Variants in TNC observed in about 807,000 individuals in gnomAD.
TNC encodes the protein tenascin.
A neutral mutation model predicts 202.4 loss-of-function variants in TNC; 109 were observed. The observed-to-expected ratio is 0.54, with a 90% CI of 0.46 to 0.63. The LOEUF is 0.63. TNC is among the 30% of genes least tolerant of loss of function. The pLI, the probability that TNC is intolerant of heterozygous loss-of-function variation, is 0.00. For synonymous variants in TNC, 1,007 were observed against 1,089.7 expected, an observed-to-expected ratio of 0.92 and a Z score of 1.50; for missense variants, 2,756 against 2,833.3, an observed-to-expected ratio of 0.97 and a Z score of 0.62.
intron 15 of TNC, chr9:115,052,629 TAA>T: frequency 3.3e-6 from 2 of 601,188 alleles, no homozygotes; most frequent in Non-Finnish European, 5.9e-6. Flanking sequence ...CAATTAAAAA[TAA>T]GAGAGTACAC....
intron 22 of TNC, among the ~76,000 whole-genome samples, chr9:115,033,785 G>C (rs1830120244): frequency 1.3e-5 from 2 of 152,188 alleles, no homozygotes; most frequent in Admixed American, 1.3e-4. Context: ...GAGGGGAATG[G>C]GAGAGGAGAC....
intron 17 of TNC, among the ~76,000 whole-genome samples, chr9:115,045,525 C>A (rs1015618607): frequency 6.6e-6 from 1 of 151,150 alleles, no homozygotes; most frequent in Non-Finnish European, 1.5e-5. Context: ...AGGCACCACA[C>A]CTGGCTAAGT....
rs780140971 is a variant in TNC at position 115,082,693 on chromosome 9, A to G, written c.2246T>C (p.Met749Thr). Residue 749 changes from methionine (M) to threonine (T), a missense_variant and splice_region_variant, in exon 5 of 28, where the codon ATG (methionine) becomes ACG (threonine). Coordinates refer to ENST00000350763, the MANE Select transcript of TNC (RefSeq NM_002160.4). ...GATCTGCTCTTTTGTACTCCTTACC[A>G]TATTCCGGAAGATGATCTCCCAGGT... ...FETWEIIFRN[M>T]NKEDEGEITK... The G allele has an allele frequency of 2.5e-6, 4 of 1,602,910 alleles. No individual in the cohort carries two copies. Among genetic ancestry groups the G allele is most frequent in the South Asian group, 1.1e-5 (1 of 90,814 alleles).
intron 22 of TNC, among the ~76,000 whole-genome samples, chr9:115,033,335 G>A (rs1830086320): frequency 6.6e-6 from 1 of 152,090 alleles, no homozygotes; most frequent in Non-Finnish European, 1.5e-5. Context: ...CTAGTCCCTG[G>A]GGGAAAGATC....
intron 18 of TNC, among the ~76,000 whole-genome samples, chr9:115,041,391 C>T (rs1371974246): frequency 1.3e-5 from 2 of 150,076 alleles, no homozygotes; most frequent in African/African-American, 4.9e-5. Context: ...CAAATTTTAT[C>T]TTATTATTTT....
At chr9:115,113,056 C>T (rs1178289184) in intron 1 of TNC, among the ~76,000 whole-genome samples, 3 of 152,220 alleles carry the variant, frequency 2.0e-5, no homozygotes, top group Non-Finnish European at 4.4e-5. Flanking sequence ...TTATGGGTCA[C>T]ATGCTAATCA....
At position 115,060,946 on chromosome 9, in the gene TNC, G is replaced by A. The variant is rs1832495507; in HGVS notation, c.4034-944C>T. Among the ~76,000 whole-genome samples, 3 of 152,292 alleles carry A rather than the reference G, an allele frequency of 2.0e-5. No homozygotes were observed. In the South Asian group the frequency reaches 6.2e-4, roughly 32 times the overall value. On this transcript the variant is annotated intron_variant, in intron 13 of 27. Coordinates refer to ENST00000350763, the MANE Select transcript of TNC (RefSeq NM_002160.4). The stretch of plus-strand genomic sequence containing the variant: ...AAGGAGATTTTTCTCAGTAAATGGT[G>A]CAGAACAGAACCCACTATTACTGCT...
chr9:115,083,801 C>T (rs1757110), intron 4 of TNC, among the ~76,000 whole-genome samples: 58,886 of 151,890 alleles, frequency 0.39, 11,533 homozygotes, highest in Admixed American at 0.47. Context: ...GACAGGGTTT[C>T]GCCATGCTGG....
chr9:115,085,334 C>G (rs1888220), intron 3 of TNC, among the ~76,000 whole-genome samples: 72,316 of 152,038 alleles, frequency 0.48, 17,655 homozygotes, highest in African/African-American at 0.57. Flanking sequence ...ATAGGCATTT[C>G]GTCTTTAGCC....
At chr9:115,053,081 A>G in intron 15 of TNC, 2 of 659,990 alleles carry the variant, frequency 3.0e-6, no homozygotes, top group Non-Finnish European at 5.5e-6. Context: ...GGATTTTTCC[A>G]GAATGTAGCC....
chr9:115,092,749 ATTT>A (rs34706824), intron 1 of TNC, among the ~76,000 whole-genome samples: 17 of 139,280 alleles, frequency 1.2e-4, no homozygotes, highest in South Asian at 1.2e-3. Context: ...GATTTTTTGT[ATTT>A]TTTTTTTTTT....
At chr9:115,024,473 C>A (rs1829323272) in intron 26 of TNC, among the ~76,000 whole-genome samples, 1 of 152,126 alleles carries the variant, frequency 6.6e-6, no homozygotes, top group African/African-American at 2.4e-5. Flanking sequence ...ACAATGGAAC[C>A]AGCACTTTGA....
At position 115,086,810 on chromosome 9, in the gene TNC, G is replaced by A. The variant is rs142745435; in HGVS notation, c.921C>T (p.Gly307=). The change falls in exon 3 of 28, where the codon GGC becomes GGT. Residue 307 remains glycine (G), a synonymous_variant. Transcript: ENST00000350763. ...NECVCDEGFT[G]EDCSELICPN... ...GGCAGATGAGCTCACTGCAGTCTTCGCCCGTGAAACCCTCATCACACACGC... is the reference window on the plus strand; with the variant it reads ...GGCAGATGAGCTCACTGCAGTCTTCACCCGTGAAACCCTCATCACACACGC... 7.7e-5 allele frequency: 125 copies of A among 1,613,956 alleles called. No individual in the cohort carries two copies. In the African/African-American group the frequency reaches 1.5e-3, roughly 19 times the overall value.
chr9:115,041,610 C>T (rs1297660532), intron 18 of TNC, among the ~76,000 whole-genome samples: 3 of 152,200 alleles, frequency 2.0e-5, no homozygotes, highest in Admixed American at 6.5e-5. Context: ...AGAACTTGCA[C>T]ATCAGCTGGT....
intron 13 of TNC, among the ~76,000 whole-genome samples, chr9:115,061,162 A>G (rs1053106005): frequency 1.3e-5 from 2 of 152,218 alleles, no homozygotes; most frequent in Non-Finnish European, 2.9e-5. Context: ...AGGGATTTCA[A>G]CCAAAAATAG....
Position 115,084,197 on chromosome 9 carries a change from C to A in TNC, c.2131+12G>T. The A allele has an allele frequency of 6.2e-7, 1 of 1,611,640 alleles. No individual in the cohort carries two copies. The stretch of plus-strand genomic sequence containing the variant: ...TCAGGTGAGGCTGCCCAAAAGAGTT[C>A]TGCTCACTCACACGTGGCCACCCTG... On this transcript the variant is annotated intron_variant, in intron 4 of 27. Coordinates refer to ENST00000350763, the MANE Select transcript of TNC (RefSeq NM_002160.4).
intron 1 of TNC, among the ~76,000 whole-genome samples, chr9:115,103,639 C>T (rs2900593): frequency 6.6e-6 from 1 of 152,168 alleles, no homozygotes; most frequent in Admixed American, 6.5e-5. Context: ...GTTTCCAATT[C>T]TAAGATCCCT....
At chr9:115,108,278 A>C (rs1398668698) in intron 1 of TNC, among the ~76,000 whole-genome samples, 1 of 152,200 alleles carries the variant, frequency 6.6e-6, no homozygotes, top group Non-Finnish European at 1.5e-5. Context: ...ACTACGTTGC[A>C]AGATGTTTTT....
At chr9:115,052,791 T>C in intron 15 of TNC, 1 of 702,650 alleles carries the variant, frequency 1.4e-6, no homozygotes. Context: ...GCCAAGGTGG[T>C]TCCTGCCACA....
Sources: gnomAD v4.1 joint callset for allele counts (sites outside exome capture counted in the v4.1 genomes callset) on GRCh38, gnomAD v4.1.1 for gene constraint, MANE v1.5 for transcripts, NCBI Gene and HGNC (gene_info 2026-07-23, HGNC 2026-07-21) for gene names.